Variants in SDCCAG8 observed in about 807,000 individuals in gnomAD.
SDCCAG8 encodes SHH signaling and ciliogenesis regulator SDCCAG8, also known as serologically defined colon cancer antigen 8.
A neutral mutation model predicts 101.8 loss-of-function variants in SDCCAG8; 74 were observed. That is an observed-to-expected ratio of 0.73 (90% CI 0.60 to 0.88). The LOEUF (loss-of-function observed/expected upper bound fraction) is 0.88. Among genes scored for constraint, SDCCAG8 ranks in the 40% least tolerant of loss-of-function variants. The probability of loss-of-function intolerance (pLI) is 0.00; values close to 1 mark genes in which losing one functional copy is unlikely to be tolerated. For missense variants in SDCCAG8, 787 were observed against 822.6 expected (o/e 0.96, Z 0.53); for synonymous variants, 281 against 292.9 (o/e 0.96, Z 0.41).
At chr1:243,417,558 A>C (rs963759604) in intron 14 of SDCCAG8, among the ~76,000 whole-genome samples, 7 of 152,172 alleles carry the variant, frequency 4.6e-5, no homozygotes, top group Admixed American at 1.3e-4. Flanking sequence ...ACAGTGTAGA[A>C]GAGAATTCCT....
At chr1:243,397,823 C>G (rs1351537133) in intron 13 of SDCCAG8, among the ~76,000 whole-genome samples, 1 of 152,222 alleles carries the variant, frequency 6.6e-6, no homozygotes, top group South Asian at 2.1e-4. Context: ...AGGAACAGTA[C>G]GCATACAGTG....
chr1:243,290,910 C>G (rs2070186451), intron 5 of SDCCAG8, among the ~76,000 whole-genome samples: 1 of 152,190 alleles, frequency 6.6e-6, no homozygotes, highest in African/African-American at 2.4e-5. Context: ...GTGTGTCTCC[C>G]TTATTAGACT....
At chr1:243,460,174 G>C (rs568912331) in intron 16 of SDCCAG8, among the ~76,000 whole-genome samples, 1 of 152,176 alleles carries the variant, frequency 6.6e-6, no homozygotes, top group South Asian at 2.1e-4. Context: ...CTATTTATTA[G>C]AACAATTTAT....
intron 10 of SDCCAG8, among the ~76,000 whole-genome samples, chr1:243,336,979 T>C (rs1268181627): frequency 1.3e-5 from 2 of 152,190 alleles, no homozygotes; most frequent in African/African-American, 4.8e-5. Context: ...TTTCTTTTGC[T>C]GTGCAGAAGC....
chr1:243,408,996 G>C (rs2079978846), intron 13 of SDCCAG8, among the ~76,000 whole-genome samples: 1 of 152,122 alleles, frequency 6.6e-6, no homozygotes, highest in Admixed American at 6.6e-5. Flanking sequence ...GGTGGTAGAT[G>C]CCATACTCTG....
intron 3 of SDCCAG8, among the ~76,000 whole-genome samples, chr1:243,273,160 T>C (rs2068233573): frequency 6.6e-6 from 1 of 152,228 alleles, no homozygotes; most frequent in African/African-American, 2.4e-5. Context: ...CTTTGGTTTT[T>C]AAATTTCTTA....
In SDCCAG8 at chr1:243,330,570, G is replaced by T; in HGVS notation, c.1099G>T (p.Glu367Ter). The change falls in exon 10 of 18, where the codon GAG (glutamate) becomes TAG (stop). Residue 367 changes from glutamate to a stop codon, truncating the protein, a stop_gained. Coordinates refer to ENST00000366541, the MANE Select transcript of SDCCAG8 (RefSeq NM_006642.5). LOFTEE classifies it high-confidence loss of function. ...AATCCAGTGTGACCAGTTGAGGAAGGAGCTGGAGAGGCAGGCGGAGCGACT... is the reference window on the plus strand; with the variant it reads ...AATCCAGTGTGACCAGTTGAGGAAGTAGCTGGAGAGGCAGGCGGAGCGACT... ...ALIQCDQLRK[E>*]LERQAERLEK... The T allele has an allele frequency of 6.2e-7, 1 of 1,614,074 alleles. No homozygotes were observed. The highest frequency in any genetic ancestry group is 8.5e-7 in the Non-Finnish European group (1 of 1,179,996).
chr1:243,396,905 G>A (rs939726501), intron 13 of SDCCAG8, among the ~76,000 whole-genome samples: 1 of 152,174 alleles, frequency 6.6e-6, no homozygotes, highest in Non-Finnish European at 1.5e-5. Context: ...AATCCATGCC[G>A]ACAGTTCATT....
intron 16 of SDCCAG8, among the ~76,000 whole-genome samples, chr1:243,438,132 G>T (rs914887023): frequency 6.6e-6 from 1 of 152,126 alleles, no homozygotes; most frequent in African/African-American, 2.4e-5. Context: ...CTGCTCGTGG[G>T]TTTTTTTGCC....
chr1:243,429,414 T>C (rs1057037576), intron 16 of SDCCAG8, among the ~76,000 whole-genome samples: 11 of 146,084 alleles, frequency 7.5e-5, no homozygotes, highest in African/African-American at 2.6e-4. Context: ...TCAAAAGTTA[T>C]GCATGGATTT....
At chr1:243,385,420 C>A (rs12239149) in intron 13 of SDCCAG8, among the ~76,000 whole-genome samples, 24,629 of 151,948 alleles carry the variant, frequency 0.16, 2,730 homozygotes, top group African/African-American at 0.31. Flanking sequence ...AGAAAAAGAA[C>A]ATACACATGT....
chr1:243,344,944 A>G (rs1175910024), intron 12 of SDCCAG8, among the ~76,000 whole-genome samples: 1 of 152,194 alleles, frequency 6.6e-6, no homozygotes, highest in Non-Finnish European at 1.5e-5. Context: ...CAACATGGAT[A>G]AAGTTTTTAG....
At chr1:243,462,267 GA>G (rs1407878693) in intron 16 of SDCCAG8, among the ~76,000 whole-genome samples, 4 of 152,190 alleles carry the variant, frequency 2.6e-5, no homozygotes, top group African/African-American at 9.7e-5. Context: ...AGAAGAGGAG[GA>G]ACCTGTGGAG....
At chr1:243,454,429 G>T (rs949025351) in intron 16 of SDCCAG8, among the ~76,000 whole-genome samples, 1 of 152,008 alleles carries the variant, frequency 6.6e-6, no homozygotes, top group African/African-American at 2.4e-5. Flanking sequence ...CTCACGTTTG[G>T]TTATCTTGGA....
In SDCCAG8 at chr1:243,274,686, A is replaced by C. The variant is rs900412243; in HGVS notation, c.420+30A>C. 3 of 1,271,134 alleles carry C rather than the reference A, an allele frequency of 2.4e-6. No homozygotes were observed. The East Asian group carries it at 7.0e-5, about 30-fold the overall frequency. 78.7% of individuals were successfully genotyped at this position (1,271,134 alleles called of 1,614,324 possible). A position where few individuals can be genotyped will look rare whatever the true frequency, so the allele number is the denominator to read the frequency against. On this transcript the variant is annotated intron_variant, in intron 4 of 17. Coordinates refer to ENST00000366541, the MANE Select transcript of SDCCAG8 (RefSeq NM_006642.5). ...GTTTCTCATTAAGAATTTAAAACTA[A>C]ATAAATGAAAGCTTATATTAACTAT...
At chr1:243,471,949 C>T (rs1661356380) in intron 16 of SDCCAG8, among the ~76,000 whole-genome samples, 1 of 152,172 alleles carries the variant, frequency 6.6e-6, no homozygotes, top group South Asian at 2.1e-4. Context: ...AGGCTGGCAA[C>T]ACATGGGCAG....
chr1:243,341,390 A>G (rs1002604669), intron 11 of SDCCAG8, among the ~76,000 whole-genome samples: 4 of 152,250 alleles, frequency 2.6e-5, no homozygotes, highest in African/African-American at 9.6e-5. Flanking sequence ...GCAAGGATGA[A>G]TTAGACACCA....
Position 243,286,358 on chromosome 1 carries a change from A to G in SDCCAG8, c.507A>G (p.Gln169=), listed in dbSNP as rs1330555203. ...GLQQQLKSQR[Q]EETLREQTLL... ...AGCAACAGCTAAAATCTCAAAGACA[A>G]GAGGAGACACTGAGGGAACAAACAC... Residue 169 remains glutamine (Q), a synonymous_variant, in exon 5 of 18, where the codon CAA becomes CAG. Coordinates refer to ENST00000366541, the MANE Select transcript of SDCCAG8 (RefSeq NM_006642.5). 2 of 1,614,072 alleles carry G rather than the reference A, an allele frequency of 1.2e-6. No individual in the cohort carries two copies. The highest frequency in any genetic ancestry group is 1.3e-5 in the African/African-American group (1 of 75,060).
chr1:243,327,886 TTTTG>T (rs772057789), intron 9 of SDCCAG8, among the ~76,000 whole-genome samples: 62 of 152,236 alleles, frequency 4.1e-4, no homozygotes, highest in Middle Eastern at 3.4e-3. Context: ...TAAAAGCTAT[TTTTG>T]TTTGTTTGTT....
Sources: allele counts gnomAD v4.1 joint callset (sites outside exome capture counted in the v4.1 genomes callset), GRCh38; gene constraint gnomAD v4.1.1; transcripts MANE v1.5; gene names NCBI Gene and HGNC (gene_info 2026-07-23, HGNC 2026-07-21).